CD44: variants seen among roughly 807,000 people sequenced by gnomAD.
CD44 encodes the protein CD44 antigen.
Under a neutral mutation model 88.8 loss-of-function variants are expected in CD44, and 49 were observed. The ratio of observed to expected loss-of-function variants is 0.55; its 90% CI spans 0.44 to 0.70. CD44 has a LOEUF of 0.70. Ranked by LOEUF, CD44 falls within the 30% of genes least tolerant of loss-of-function variation. CD44 has a pLI of 0.00. For synonymous variants in CD44, 325 were observed against 312.3 expected (o/e 1.04, Z -0.43); for missense variants, 883 against 913.8 (o/e 0.97, Z 0.43).
intron 15 of CD44, among the ~76,000 whole-genome samples, chr11:35,215,538 T>C (rs1948760932): frequency 6.6e-6 from 1 of 152,094 alleles, no homozygotes; most frequent in African/African-American, 2.4e-5. Context: ...TCTAAACACT[T>C]TACATGTATT....
intron 17 of CD44, among the ~76,000 whole-genome samples, chr11:35,224,632 G>A (rs1312470642): frequency 2.0e-5 from 3 of 152,020 alleles, no homozygotes; most frequent in South Asian, 2.1e-4. Context: ...AGCTGCTCGG[G>A]AGGTTGAGGT....
At chr11:35,218,294 A>T (rs1267850591) in intron 15 of CD44, among the ~76,000 whole-genome samples, 1 of 152,050 alleles carries the variant, frequency 6.6e-6, no homozygotes, top group Non-Finnish European at 1.5e-5. Flanking sequence ...TAATAGGGTG[A>T]TTTTTCATAG....
chr11:35,199,941 T>TA (rs1947142789), intron 7 of CD44, among the ~76,000 whole-genome samples: 1 of 145,364 alleles, frequency 6.9e-6, no homozygotes, highest in Non-Finnish European at 1.5e-5. Context: ...GTTGTTTTTT[T>TA]TTTTTTTTTT....
At chr11:35,196,633 A>G in intron 5 of CD44, 113 bp from the exon 6 acceptor site, 1 of 1,167,068 alleles carries the variant, frequency 8.6e-7, no homozygotes, top group Non-Finnish European at 1.2e-6. Context: ...CACCATCTAT[A>G]TCAAATATAG....
At chr11:35,161,612 C>G (rs1386584667) in intron 1 of CD44, among the ~76,000 whole-genome samples, 3 of 152,126 alleles carry the variant, frequency 2.0e-5, no homozygotes, top group African/African-American at 4.8e-5. Flanking sequence ...TTTTTCTGGT[C>G]AAGACTCAGA....
At chr11:35,201,030 G>T in intron 7 of CD44, 52 bp from the exon 8 acceptor site, 1 of 1,310,686 alleles carries the variant, frequency 7.6e-7, no homozygotes, top group South Asian at 1.2e-5. Context: ...GACAAGTGGC[G>T]AAGGCTCAAG....
At chr11:35,151,516 C>G (rs1388610274) in intron 1 of CD44, among the ~76,000 whole-genome samples, 1 of 152,182 alleles carries the variant, frequency 6.6e-6, no homozygotes, top group Non-Finnish European at 1.5e-5. Context: ...GCTCAAGGAA[C>G]ATTTCCCATT....
chr11:35,148,104 G>A (rs190622236), intron 1 of CD44, among the ~76,000 whole-genome samples: 3,186 of 151,156 alleles, frequency 0.021, 96 homozygotes, highest in African/African-American at 0.073. Context: ...AAAAAAAAAA[G>A]GTGCCAGGGA....
At chr11:35,186,985 A>C in intron 4 of CD44, 85 bp downstream of exon 4, 1 of 848,916 alleles carries the variant, frequency 1.2e-6, no homozygotes, top group Non-Finnish European at 2.0e-6. Flanking sequence ...TTTGAATAGA[A>C]TATTAGGCCA....
At chr11:35,155,637 C>A (rs1389555032) in intron 1 of CD44, among the ~76,000 whole-genome samples, 1 of 152,180 alleles carries the variant, frequency 6.6e-6, no homozygotes, top group Non-Finnish European at 1.5e-5. Flanking sequence ...CAAGAAATAG[C>A]CAGTCTTCTG....
At chr11:35,152,053 G>A (rs961701535) in intron 1 of CD44, among the ~76,000 whole-genome samples, 2 of 152,226 alleles carry the variant, frequency 1.3e-5, no homozygotes, top group African/African-American at 4.8e-5. Flanking sequence ...TGCGAGGAAA[G>A]CTTTTGAAGA....
At chr11:35,179,381 C>A (rs71480068) in intron 2 of CD44, among the ~76,000 whole-genome samples, 25,806 of 151,970 alleles carry the variant, frequency 0.17, 2,321 homozygotes, top group Middle Eastern at 0.28. Flanking sequence ...ATTTTATATT[C>A]AAAAAAAATT....
intron 1 of CD44, among the ~76,000 whole-genome samples, chr11:35,163,500 A>G (rs1942898380): frequency 6.6e-6 from 1 of 152,172 alleles, no homozygotes; most frequent in Non-Finnish European, 1.5e-5. Context: ...TGTCCTGGGA[A>G]GAACAAATAT....
Position 35,179,968 on chromosome 11 carries a change from T to G in CD44, c.234-306T>G, listed in dbSNP as rs150629351. Among the ~76,000 whole-genome samples the G allele has an allele frequency of 7.7e-3, 1,172 of 152,342 alleles. 73 individuals carry two copies. The highest frequency in any genetic ancestry group is 0.068 in the Admixed American group (1,047 of 15,308). On this transcript the variant is annotated intron_variant, in intron 2 of 17. Transcript: ENST00000428726. The stretch of plus-strand genomic sequence containing the variant: ...TGTGACTCAGGCTTCCTTCTGTTTG[T>G]TCAAATAGACTCAACACTGCTGAAC...
intron 1 of CD44, among the ~76,000 whole-genome samples, chr11:35,156,670 C>A (rs1941909002): frequency 6.6e-6 from 1 of 152,190 alleles, no homozygotes; most frequent in African/African-American, 2.4e-5. Flanking sequence ...AGAAAAAAGG[C>A]TTCCCTTTCC....
intron 14 of CD44, among the ~76,000 whole-genome samples, chr11:35,213,433 T>C (rs977496436): frequency 1.3e-5 from 2 of 152,186 alleles, no homozygotes; most frequent in Non-Finnish European, 2.9e-5. Flanking sequence ...AGCGGATCAC[T>C]TGAGGTCAGG....
chr11:35,221,501 A>C (rs1949299150), intron 16 of CD44, among the ~76,000 whole-genome samples, 153 bp from the exon 17 acceptor site: 1 of 152,208 alleles, frequency 6.6e-6, no homozygotes, highest in Non-Finnish European at 1.5e-5. Flanking sequence ...GCTCTTCCAG[A>C]ATTACCTGCC....
chr11:35,162,343 G>A (rs1186602516), intron 1 of CD44, among the ~76,000 whole-genome samples: 2 of 152,222 alleles, frequency 1.3e-5, no homozygotes, highest in Admixed American at 1.3e-4. Flanking sequence ...TGTCATGTAT[G>A]AGGGTCATTT....
At chr11:35,167,051 C>T (rs1943363150) in intron 1 of CD44, among the ~76,000 whole-genome samples, 1 of 152,206 alleles carries the variant, frequency 6.6e-6, no homozygotes, top group African/African-American at 2.4e-5. Flanking sequence ...GGCACAATAG[C>T]TAGAAAGACT....
Sources: gnomAD v4.1 joint callset for allele counts (sites outside exome capture counted in the v4.1 genomes callset) on GRCh38, gnomAD v4.1.1 for gene constraint, MANE v1.5 for transcripts, NCBI Gene and HGNC (gene_info 2026-07-23, HGNC 2026-07-21) for gene names.